ZCCHC14: variants seen among roughly 807,000 people sequenced by gnomAD.
ZCCHC14 encodes zinc finger CCHC-type containing 14, also known as zinc finger CCHC domain-containing protein 14.
In ZCCHC14, 16 loss-of-function variants were observed where a neutral mutation model predicts 85.0. That is an observed-to-expected ratio of 0.19 (90% confidence interval 0.13 to 0.29). The LOEUF (loss-of-function observed/expected upper bound fraction) is 0.29. ZCCHC14 is among the 10% of genes least tolerant of loss of function. The pLI is 1.00. For synonymous variants in ZCCHC14, 775 were observed against 630.7 expected, an observed-to-expected ratio of 1.23 and a Z score of -3.43; for missense variants, 1,303 against 1,443.5, an observed-to-expected ratio of 0.90 and a Z score of 1.58.
At chr16:87,435,476 C>G (rs1909877268) in intron 2 of ZCCHC14, among the ~76,000 whole-genome samples, 1 of 152,262 alleles carries the variant, frequency 6.6e-6, no homozygotes, top group Non-Finnish European at 1.5e-5. Flanking sequence ...GATACCATGG[C>G]TGAGGAGCTG....
intron 1 of ZCCHC14, among the ~76,000 whole-genome samples, chr16:87,478,052 T>C (rs573222440): frequency 1.3e-5 from 2 of 152,312 alleles, no homozygotes; most frequent in East Asian, 3.9e-4. Context: ...GCTCCTCACC[T>C]CATATCTTTA....
intron 6 of ZCCHC14, 150 bp from the exon 7 acceptor site, chr16:87,419,051 G>T: frequency 4.5e-6 from 3 of 665,672 alleles, no homozygotes; most frequent in Non-Finnish European, 7.2e-6. Flanking sequence ...CTGCCTCCCG[G>T]GTTCAAGTGA....
At chr16:87,466,623 A>T (rs935713773) in intron 1 of ZCCHC14, among the ~76,000 whole-genome samples, 1 of 123,250 alleles carries the variant, frequency 8.1e-6, no homozygotes, top group Non-Finnish European at 1.5e-5. Context: ...CCTCGAACAG[A>T]GTCTGTGGGT....
Position 87,412,465 on chromosome 16 carries a change from G to C in ZCCHC14, c.2256C>G (p.Val752=). 1.9e-6 allele frequency: 3 copies of C among 1,613,882 alleles called. No homozygotes were observed. The highest frequency in any genetic ancestry group is 1.7e-6 in the Non-Finnish European group (2 of 1,179,976). ...VLKTAQQPAL[V]VETSTAATGT... ...CCGTGGCGGCCGTGCTGGTCTCCAC[G>C]ACCAGGGCCGGTTGCTGTGCTGTCT... is the stretch of plus-strand genomic sequence containing the variant. The change falls in exon 12 of 13, where the codon GTC becomes GTG. Residue 752 remains valine (V), a synonymous_variant. Transcript: ENST00000671377.
At chr16:87,464,608 C>T (rs1192727598) in intron 1 of ZCCHC14, among the ~76,000 whole-genome samples, 1 of 152,194 alleles carries the variant, frequency 6.6e-6, no homozygotes, top group Non-Finnish European at 1.5e-5. Flanking sequence ...GACATCAAGA[C>T]AGGAAGGAAA....
rs369226624 is a variant in ZCCHC14, at chr16:87,410,250, T to G, written c.*30A>C. The G allele has an allele frequency of 4.0e-6, 3 of 749,724 alleles. No homozygotes were observed. Among genetic ancestry groups the G allele is most frequent in the Non-Finnish European group, 4.9e-6 (2 of 406,348 alleles). The allele number at this position is 749,724 out of a possible 1,614,324, so 46.4% of individuals were successfully genotyped here. A position where few individuals can be genotyped will look rare whatever the true frequency, so the allele number is the denominator to read the frequency against. On this transcript the variant is annotated 3_prime_UTR_variant, in exon 13 of 13. Coordinates refer to ENST00000671377, the MANE Select transcript of ZCCHC14 (RefSeq NM_015144.3). The stretch of plus-strand genomic sequence containing the variant: ...TTAATTTTCCTTATGTCTCCATGGC[T>G]TAATAACGTTCTGTTGCCAGAGAAA...
In ZCCHC14 at chr16:87,447,987, G is replaced by T. The variant is rs376900040; in HGVS notation, c.694+12021C>A. Among the ~76,000 whole-genome samples, 42 of 152,256 alleles carry T rather than the reference G, an allele frequency of 2.8e-4. 1 individual carries two copies. The South Asian group carries it at 7.3e-3, about 26-fold the overall frequency. ...ATCCCTGGACAATCTGTGTGTACAA[G>T]CAGGTATGAGTGCTCTGGAGTTAAC... On this transcript the variant is annotated intron_variant, in intron 2 of 12. Transcript: ENST00000671377.
chr16:87,456,749 C>T (rs953654760), intron 2 of ZCCHC14, among the ~76,000 whole-genome samples: 7 of 151,806 alleles, frequency 4.6e-5, no homozygotes, highest in African/African-American at 4.8e-5. Flanking sequence ...CAGTTTTAAT[C>T]GATAATATGG....
rs1035120151 is a variant in ZCCHC14, at chr16:87,408,246, T to C, written c.*2034A>G. 3.3e-5 allele frequency: 5 copies of C among 152,636 alleles called. No homozygotes were observed. Among genetic ancestry groups the C allele is most frequent in the African/African-American group, 1.2e-4 (5 of 41,464 alleles). The allele number at this position is 152,636 out of a possible 1,614,324, so 9.5% of individuals were successfully genotyped here. A position where few individuals can be genotyped will look rare whatever the true frequency, so the allele number is the denominator to read the frequency against. ...AAAATTCCAATGTTTTTTCCTTTTG[T>C]TATGAGACGGTTTTCAACAATTTCA... On this transcript the variant is annotated 3_prime_UTR_variant, in exon 13 of 13. Transcript: ENST00000671377.
intron 6 of ZCCHC14, 104 bp downstream of exon 6, chr16:87,419,679 G>A (rs1040435916): frequency 6.8e-5 from 63 of 923,236 alleles, no homozygotes; most frequent in Admixed American, 1.1e-4. Flanking sequence ...CAGGTGATCC[G>A]CCCGCCTCAG....
chr16:87,436,341 G>A (rs866423952), intron 2 of ZCCHC14, among the ~76,000 whole-genome samples: 14 of 152,250 alleles, frequency 9.2e-5, no homozygotes, highest in Non-Finnish European at 1.9e-4. Context: ...GGGCACCTCC[G>A]GGCCCAGGAG....
chr16:87,484,659 G>C (rs1342445190), intron 1 of ZCCHC14, among the ~76,000 whole-genome samples: 2 of 152,240 alleles, frequency 1.3e-5, no homozygotes, highest in African/African-American at 4.8e-5. Flanking sequence ...CAGCGGGATG[G>C]AAGGCCTTTT....
intron 1 of ZCCHC14, among the ~76,000 whole-genome samples, chr16:87,461,783 A>T (rs975992014): frequency 6.6e-6 from 1 of 152,218 alleles, no homozygotes; most frequent in African/African-American, 2.4e-5. Context: ...ACAGCAAGCC[A>T]CAGGGGCCAC....
At position 87,417,751 on chromosome 16, in the gene ZCCHC14, CAG is replaced by C. The variant is rs1391548651; in HGVS notation, c.1101-11_1101-10del. 6.3e-7 allele frequency: 1 copy of C among 1,576,382 alleles called. No individual in the cohort carries two copies. Among genetic ancestry groups the C allele is most frequent in the Non-Finnish European group, 8.6e-7 (1 of 1,163,850 alleles). On this transcript the variant is annotated splice_polypyrimidine_tract_variant and intron_variant, in intron 7 of 12. Transcript: ENST00000671377. ...CCACTCCACACACAGGCCTGTGGGA[CAG>C]GGGCAGGAGGGACACAGAGAGACTG... is the stretch of plus-strand genomic sequence containing the variant.
chr16:87,489,385 A>G (rs1345073841), intron 1 of ZCCHC14, among the ~76,000 whole-genome samples: 1 of 152,240 alleles, frequency 6.6e-6, no homozygotes, highest in African/African-American at 2.4e-5. Flanking sequence ...TTTAGAACAC[A>G]TAAACGCTCA....
chr16:87,443,953 C>G (rs1183684684), intron 2 of ZCCHC14, among the ~76,000 whole-genome samples: 2 of 146,842 alleles, frequency 1.4e-5, no homozygotes, highest in African/African-American at 5.0e-5. Flanking sequence ...ATGAGAATCA[C>G]TTGAACCTGG....
At chr16:87,444,681 G>C (rs1361759848) in intron 2 of ZCCHC14, among the ~76,000 whole-genome samples, 2 of 152,184 alleles carry the variant, frequency 1.3e-5, no homozygotes, top group African/African-American at 2.4e-5. Context: ...AACAAACCCA[G>C]ATTGTGGGAT....
rs191422754 is a variant in ZCCHC14, at chr16:87,456,203, C to G, written c.694+3805G>C. Reference sequence around the variant, plus strand: ...CTACACACTGGAATCCCAGCACAACCCAGGAAAGGCCACAGACTGTGGGCA... The same window carrying G: ...CTACACACTGGAATCCCAGCACAACGCAGGAAAGGCCACAGACTGTGGGCA... On this transcript the variant is annotated intron_variant, in intron 2 of 12. Transcript: ENST00000671377. Among the ~76,000 whole-genome samples the G allele has an allele frequency of 2.2e-4, 34 of 152,246 alleles. 1 individual carries two copies. The East Asian group carries it at 6.6e-3, about 29-fold the overall frequency.
At chr16:87,439,070 C>T (rs1416728855) in intron 2 of ZCCHC14, among the ~76,000 whole-genome samples, 4 of 152,162 alleles carry the variant, frequency 2.6e-5, no homozygotes, top group Non-Finnish European at 4.4e-5. Context: ...AAGTGCCCTG[C>T]GTATGGATTA....
Sources: gnomAD v4.1 joint callset for allele counts (sites outside exome capture counted in the v4.1 genomes callset) on GRCh38, gnomAD v4.1.1 for gene constraint, MANE v1.5 for transcripts, NCBI Gene and HGNC (gene_info 2026-07-23, HGNC 2026-07-21) for gene names.